The following HIVEP3 variants were observed in gnomAD, a reference collection of about 807,000 sequenced individuals.
HIVEP3 encodes the protein transcription factor HIVEP3.
In HIVEP3, 49 loss-of-function variants were observed where a neutral mutation model predicts 152.8. That is an observed-to-expected ratio of 0.32 (90% CI 0.26 to 0.41). The LOEUF (loss-of-function observed/expected upper bound fraction) is 0.41. HIVEP3 is among the 10% of genes least tolerant of loss of function. The pLI, the probability that HIVEP3 is intolerant of heterozygous loss-of-function variation, is 1.00. For synonymous variants in HIVEP3, 1,269 were observed against 1,289.0 expected (o/e 0.98, Z 0.33); for missense variants, 2,790 against 3,103.3 (o/e 0.90, Z 2.40).
chr1:41,726,486 G>T (rs970499160), intron 1 of HIVEP3, among the ~76,000 whole-genome samples: 1 of 152,222 alleles, frequency 6.6e-6, no homozygotes, highest in Non-Finnish European at 1.5e-5. Flanking sequence ...ACCCGCTCAT[G>T]TTAAGTCCCA....
intron 1 of HIVEP3, among the ~76,000 whole-genome samples, chr1:41,754,189 T>C (rs188845891): frequency 3.3e-5 from 5 of 152,258 alleles, no homozygotes; most frequent in Admixed American, 2.0e-4. Flanking sequence ...GACCTGGCCA[T>C]CAGGGTCGTG....
chr1:41,626,332 T>A (rs975869672), intron 3 of HIVEP3, among the ~76,000 whole-genome samples: 1 of 152,216 alleles, frequency 6.6e-6, no homozygotes, highest in Non-Finnish European at 1.5e-5. Flanking sequence ...CAGCACCTCA[T>A]TAATCACAGG....
intron 6 of HIVEP3, among the ~76,000 whole-genome samples, chr1:41,521,394 T>C (rs2149050701): frequency 6.6e-6 from 1 of 152,340 alleles, no homozygotes; most frequent in East Asian, 1.9e-4. Context: ...CTCCCTCTCC[T>C]CTGCCCCCGC....
chr1:42,014,298 A>T (rs1453733068), intron 1 of HIVEP3, among the ~76,000 whole-genome samples: 1 of 152,120 alleles, frequency 6.6e-6, no homozygotes, highest in Non-Finnish European at 1.5e-5. Flanking sequence ...CACATCACAG[A>T]GAAAGAAGGG....
chr1:41,663,123 T>G (rs1478133902), intron 2 of HIVEP3, among the ~76,000 whole-genome samples: 1 of 152,242 alleles, frequency 6.6e-6, no homozygotes, highest in East Asian at 1.9e-4. Flanking sequence ...TTGAGCCAGT[T>G]CCCAGCCAGG....
At chr1:41,894,110 A>G (rs61160010) in intron 1 of HIVEP3, among the ~76,000 whole-genome samples, 17,622 of 151,778 alleles carry the variant, frequency 0.12, 2,279 homozygotes, top group African/African-American at 0.32. Flanking sequence ...ATGAGCCACC[A>G]TGCCCAGCCT....
intron 1 of HIVEP3, among the ~76,000 whole-genome samples, chr1:41,984,125 C>T (rs1330463340): frequency 6.6e-6 from 1 of 152,182 alleles, no homozygotes; most frequent in African/African-American, 2.4e-5. Flanking sequence ...AAATTATGCA[C>T]TTAGCTAATT....
At position 41,595,108 on chromosome 1, in the gene HIVEP3, T is replaced by C. The variant is rs377314539; in HGVS notation, c.-521-9790A>G. On this transcript the variant is annotated intron_variant, in intron 3 of 8. Coordinates refer to ENST00000372583, the MANE Select transcript of HIVEP3 (RefSeq NM_024503.5). ...ACCCAGAATCTATATTTTTGCTAAT[T>C]CCCCATGTGAATATTGTAAATCTGG... 2.6e-3 allele frequency among the ~76,000 whole-genome samples: 399 copies of C among 152,290 alleles called. 2 individuals are homozygous for C. The highest frequency in any genetic ancestry group is 0.014 in the Middle Eastern group (4 of 294).
In HIVEP3 at chr1:41,511,947, G is replaced by A. The variant is rs1294072887; in HGVS notation, c.6406-681C>T. ...GTGACAGTGGTGGTGCTGGCCATGG[G>A]GATAGTGCTGATGGTTGACAAGGAT... On this transcript the variant is annotated intron_variant, in intron 8 of 8. Transcript: ENST00000372583. This position sits in a 1 kb window ranked among gnomAD's most constrained non-coding sequence, Gnocchi z 4.9. Among the ~76,000 whole-genome samples the A allele has an allele frequency of 6.6e-6, 1 of 152,144 alleles. No individual in the cohort carries two copies. Among genetic ancestry groups the A allele is most frequent in the East Asian group, 1.9e-4 (1 of 5,194 alleles).
rs117535504 is a variant in HIVEP3 at position 41,780,386 on chromosome 1, A to G, written c.-800-79391T>C. ...GTAGTGAAGAAAAGAGAGTCAGGAC[A>G]CCCATGGCCAAATCCAGACAAGTCA... On this transcript the variant is annotated intron_variant, in intron 1 of 8. Coordinates refer to ENST00000372583, the MANE Select transcript of HIVEP3 (RefSeq NM_024503.5). Among the ~76,000 whole-genome samples, 1,581 of 152,320 alleles carry G rather than the reference A, an allele frequency of 0.01. 80 individuals are homozygous for G. The East Asian group carries it at 0.17, about 16-fold the overall frequency.
intron 6 of HIVEP3, among the ~76,000 whole-genome samples, chr1:41,518,932 C>T (rs1048762913): frequency 6.6e-6 from 1 of 151,040 alleles, no homozygotes; most frequent in East Asian, 1.9e-4. Context: ...CTCCCATTGA[C>T]CGGCATGACG....
At chr1:41,953,695 T>C (rs1197171626) in intron 1 of HIVEP3, among the ~76,000 whole-genome samples, 1 of 152,120 alleles carries the variant, frequency 6.6e-6, no homozygotes, top group African/African-American at 2.4e-5. Flanking sequence ...CCCGACATAC[T>C]CTCTTGCTCT....
intron 7 of HIVEP3, among the ~76,000 whole-genome samples, chr1:41,515,511 G>C (rs541036467): frequency 9.3e-5 from 14 of 151,334 alleles, no homozygotes; most frequent in Admixed American, 5.2e-4. Context: ...GACTTTGGGA[G>C]GGGCCTAATT....
chr1:41,797,854 C>G (rs1003388201), intron 1 of HIVEP3, among the ~76,000 whole-genome samples: 1 of 152,042 alleles, frequency 6.6e-6, no homozygotes, highest in African/African-American at 2.4e-5. Flanking sequence ...AGGCATGGTG[C>G]CTGTAGTCCC....
chr1:41,838,545 C>T (rs1570641127), intron 1 of HIVEP3, among the ~76,000 whole-genome samples: 1 of 152,150 alleles, frequency 6.6e-6, no homozygotes, highest in East Asian at 1.9e-4. Context: ...CTCGTCCTTA[C>T]CCATAAATGG....
intron 1 of HIVEP3, among the ~76,000 whole-genome samples, chr1:41,800,378 ATGCCATGGAGGAGC>A (rs1650231347): frequency 6.6e-6 from 1 of 152,202 alleles, no homozygotes. Flanking sequence ...TGAGCCTGCC[ATGCCATGGAGGAGC>A]TGGGTCTGGC....
chr1:41,958,545 G>A (rs1235852215), intron 1 of HIVEP3, among the ~76,000 whole-genome samples: 1 of 152,146 alleles, frequency 6.6e-6, no homozygotes, highest in Non-Finnish European at 1.5e-5. Flanking sequence ...ACATGAGCAG[G>A]GCCGGGGGTC....
At chr1:41,827,907 C>A (rs2124352284) in intron 1 of HIVEP3, among the ~76,000 whole-genome samples, 1 of 151,790 alleles carries the variant, frequency 6.6e-6, no homozygotes, top group South Asian at 2.1e-4. Flanking sequence ...TAGAGGAGGA[C>A]CCCAGAGGGA....
chr1:41,607,386 T>A (rs1039808513), intron 3 of HIVEP3, among the ~76,000 whole-genome samples: 1 of 152,254 alleles, frequency 6.6e-6, no homozygotes, highest in African/African-American at 2.4e-5. Flanking sequence ...ACTGAAGTTT[T>A]TTCCATAATG....
Sources: gnomAD v4.1 joint callset for allele counts (sites outside exome capture counted in the v4.1 genomes callset) on GRCh38, gnomAD v4.1.1 for gene constraint, Gnocchi (gnomAD v3.1) non-coding constraint, MANE v1.5 for transcripts, NCBI Gene and HGNC (gene_info 2026-07-23, HGNC 2026-07-21) for gene names.